SLX4IP: variants seen among roughly 807,000 people sequenced by gnomAD.
The protein encoded by SLX4IP is protein SLX4IP.
Under a neutral mutation model 32.9 loss-of-function variants are expected in SLX4IP, and 34 were observed. The observed-to-expected ratio is 1.03, with a 90% CI of 0.79 to 1.38. The LOEUF is 1.38. Among genes scored for constraint, SLX4IP ranks in the 40% most tolerant of loss-of-function variants. The pLI, the probability that SLX4IP is intolerant of heterozygous loss-of-function variation, is 0.00. For synonymous variants in SLX4IP, 172 were observed against 171.7 expected (o/e 1.00, Z -0.01); for missense variants, 444 against 479.0 (o/e 0.93, Z 0.68).
chr20:10,598,070 C>T (rs1019739284), intron 4 of SLX4IP, among the ~76,000 whole-genome samples: 11 of 152,232 alleles, frequency 7.2e-5, no homozygotes, highest in Admixed American at 5.9e-4. Flanking sequence ...AAGATCTATT[C>T]GCAAGCTCCG....
chr20:10,568,722 T>G (rs1404700252), intron 4 of SLX4IP, among the ~76,000 whole-genome samples: 1 of 152,240 alleles, frequency 6.6e-6, no homozygotes, highest in East Asian at 1.9e-4. Flanking sequence ...CCATAATTAC[T>G]GTAATAGTTC....
intron 2 of SLX4IP, among the ~76,000 whole-genome samples, chr20:10,525,253 T>G (rs1420687117): frequency 6.6e-6 from 1 of 152,192 alleles, no homozygotes; most frequent in Non-Finnish European, 1.5e-5. Flanking sequence ...ACCCCTGCCT[T>G]CAGTTCTTCC....
In SLX4IP at chr20:10,562,176, C is replaced by T. The variant is rs558579310; in HGVS notation, c.238+1356C>T. On this transcript the variant is annotated intron_variant, in intron 4 of 7. Coordinates refer to ENST00000334534, the MANE Select transcript of SLX4IP (RefSeq NM_001009608.3). ...TAATCTACTCGATTAGGCCCTCTGC[C>T]TTATCTCAAGGACAGAGGGCTTTCT... Among the ~76,000 whole-genome samples the T allele has an allele frequency of 5.3e-5, 8 of 152,306 alleles. No individual in the cohort carries two copies. In the East Asian group the frequency reaches 1.4e-3, roughly 26 times the overall value.
At chr20:10,438,461 T>C (rs1054968299) in intron 1 of SLX4IP, among the ~76,000 whole-genome samples, 21 of 150,414 alleles carry the variant, frequency 1.4e-4, no homozygotes, top group African/African-American at 5.1e-4. Flanking sequence ...TTGCATTTCC[T>C]AGGTGTGTGT....
chr20:10,466,281 T>A (rs764156598), intron 2 of SLX4IP, among the ~76,000 whole-genome samples: 2 of 152,214 alleles, frequency 1.3e-5, no homozygotes, highest in Non-Finnish European at 2.9e-5. Flanking sequence ...GATTTTGAAT[T>A]TAAATTTTGG....
chr20:10,537,527 A>G (rs1409298343), intron 2 of SLX4IP, among the ~76,000 whole-genome samples: 1 of 152,250 alleles, frequency 6.6e-6, no homozygotes, highest in Non-Finnish European at 1.5e-5. Context: ...CCCGAAGAGT[A>G]TCACAGATAA....
At chr20:10,609,007 G>A (rs74705914) in intron 6 of SLX4IP, among the ~76,000 whole-genome samples, 21 of 152,232 alleles carry the variant, frequency 1.4e-4, no homozygotes, top group African/African-American at 5.1e-4. Context: ...AGTCAGTGCT[G>A]GAGAAAGAGA....
chr20:10,451,270 C>T (rs2065239682), intron 1 of SLX4IP, among the ~76,000 whole-genome samples: 1 of 152,028 alleles, frequency 6.6e-6, no homozygotes, highest in Admixed American at 6.6e-5. Context: ...AGGCGATTCT[C>T]CTGCCTCAGC....
chr20:10,442,499 A>G (rs1042713911), intron 1 of SLX4IP, among the ~76,000 whole-genome samples: 2 of 152,244 alleles, frequency 1.3e-5, no homozygotes, highest in African/African-American at 4.8e-5. Flanking sequence ...AATGCACAAT[A>G]GAAGATGAGG....
chr20:10,623,513 G>C lies in SLX4IP; in HGVS notation c.*134G>C, dbSNP rs1027661728. On this transcript the variant is annotated 3_prime_UTR_variant, in exon 8 of 8. Coordinates refer to ENST00000334534, the MANE Select transcript of SLX4IP (RefSeq NM_001009608.3). ...AATTTAAATAGGAAGTGTGTTATCT[G>C]TGTTATGGCTATGGTTTGTTTTCAA... 7 of 1,302,160 alleles carry C rather than the reference G, an allele frequency of 5.4e-6. No homozygotes were observed. The African/African-American group carries it at 1.1e-4, about 20-fold the overall frequency. The allele number at this position is 1,302,160 out of a possible 1,614,324, so 80.7% of individuals were successfully genotyped here. A position where few individuals can be genotyped will look rare whatever the true frequency, so the allele number is the denominator to read the frequency against.
chr20:10,583,389 T>G (rs1311387412), intron 4 of SLX4IP, among the ~76,000 whole-genome samples: 1 of 152,208 alleles, frequency 6.6e-6, no homozygotes, highest in Non-Finnish European at 1.5e-5. Context: ...GTGTACACAT[T>G]CATTGCACTC....
Position 10,626,190 on chromosome 20 carries a change from A to ATTTTTTTTTTTTT in SLX4IP, c.*2824_*2836dup, listed in dbSNP as rs71186105. 1 of 77,054 alleles carries ATTTTTTTTTTTTT rather than the reference A, an allele frequency of 1.3e-5. No homozygotes were observed. Among genetic ancestry groups the ATTTTTTTTTTTTT allele is most frequent in the Non-Finnish European group, 2.3e-5 (1 of 44,126 alleles). 4.8% of individuals were successfully genotyped at this position (77,054 alleles called of 1,614,324 possible). The stretch of plus-strand genomic sequence containing the variant: ...CCACCACGCCCGGCTAATTTTTTGT[A>ATTTTTTTTTTTTT]TTTTTTTTTTTTTTTTTTTTTTTTT... On this transcript the variant is annotated 3_prime_UTR_variant, in exon 8 of 8. Transcript: ENST00000334534.
chr20:10,458,972 CCCA>C (rs1261332169), intron 2 of SLX4IP, among the ~76,000 whole-genome samples: 2 of 152,198 alleles, frequency 1.3e-5, no homozygotes, highest in Admixed American at 6.5e-5. Flanking sequence ...AATTTACACT[CCCA>C]CCAACAGTGT....
At position 10,598,752 on chromosome 20, in the gene SLX4IP, G is replaced by A; in HGVS notation, c.316G>A (p.Glu106Lys). 6.2e-7 allele frequency: 1 copy of A among 1,613,898 alleles called. No homozygotes were observed. The highest frequency in any genetic ancestry group is 8.5e-7 in the Non-Finnish European group (1 of 1,179,820). ...LRCIRSTQNA[E>K]LCVFPDRFVV... is the part of the protein sequence containing the mutation. ...CTGCATCAGGAGCACACAGAATGCT[G>A]GTAAGAAGCCGATTTCTTGGTTTGT... Residue 106 changes from glutamate to lysine, a missense_variant and splice_region_variant, in exon 5 of 8, where the codon GAA (glutamate) becomes AAA (lysine). Physicochemically the swap from Glu to Lys is moderately conservative, Grantham distance 56. Coordinates refer to ENST00000334534, the MANE Select transcript of SLX4IP (RefSeq NM_001009608.3).
chr20:10,520,440 A>G (rs1282857168), intron 2 of SLX4IP, among the ~76,000 whole-genome samples: 1 of 152,240 alleles, frequency 6.6e-6, no homozygotes, highest in South Asian at 2.1e-4. Context: ...ATGATTTGAA[A>G]GCATTTTCTC....
intron 4 of SLX4IP, among the ~76,000 whole-genome samples, chr20:10,570,440 T>C (rs950031531): frequency 2.0e-5 from 3 of 152,198 alleles, no homozygotes; most frequent in Admixed American, 6.5e-5. Context: ...AGGCTGGTAT[T>C]GTCACACAGA....
chr20:10,571,748 A>T (rs893507462), intron 4 of SLX4IP, among the ~76,000 whole-genome samples: 3 of 152,180 alleles, frequency 2.0e-5, no homozygotes, highest in Non-Finnish European at 4.4e-5. Context: ...AAATAAATGA[A>T]TTGTTACGGC....
At chr20:10,620,058 C>T (rs1478976204) in intron 6 of SLX4IP, among the ~76,000 whole-genome samples, 1 of 152,136 alleles carries the variant, frequency 6.6e-6, no homozygotes, top group Non-Finnish European at 1.5e-5. Flanking sequence ...CACATCCCCT[C>T]GGCTTGTAGG....
At chr20:10,474,866 G>A (rs760608999) in intron 2 of SLX4IP, among the ~76,000 whole-genome samples, 8 of 152,168 alleles carry the variant, frequency 5.3e-5, no homozygotes, top group South Asian at 2.1e-4. Flanking sequence ...TCCCTCTGGC[G>A]CCACCATCCA....
Sources: allele counts gnomAD v4.1 joint callset (sites outside exome capture counted in the v4.1 genomes callset), GRCh38; gene constraint gnomAD v4.1.1; transcripts MANE v1.5; gene names NCBI Gene and HGNC (gene_info 2026-07-23, HGNC 2026-07-21).